Variants in CA10 observed in about 807,000 individuals in gnomAD.
CA10 encodes the protein carbonic anhydrase-related protein 10.
CA10 carries 14 observed loss-of-function variants against 44.2 expected under a neutral mutation model. The ratio of observed to expected loss-of-function variants is 0.32; its 90% CI spans 0.21 to 0.50. The LOEUF is 0.50. Ranked by LOEUF, CA10 falls within the 20% of genes least tolerant of loss-of-function variation. The pLI, the probability that CA10 is intolerant of heterozygous loss-of-function variation, is 0.99. For missense variants in CA10, 350 were observed against 409.7 expected (o/e 0.85, Z 1.26); for synonymous variants, 159 against 141.6 (o/e 1.12, Z -0.87).
At chr17:52,038,950 A>G (rs1333491475) in intron 2 of CA10, among the ~76,000 whole-genome samples, 2 of 152,180 alleles carry the variant, frequency 1.3e-5, no homozygotes, top group African/African-American at 4.8e-5. Context: ...AATTTTGACT[A>G]GGGGTCAGAA....
At chr17:52,020,727 T>C (rs959923029) in intron 2 of CA10, among the ~76,000 whole-genome samples, 6 of 151,960 alleles carry the variant, frequency 3.9e-5, no homozygotes, top group Non-Finnish European at 8.8e-5. Context: ...ATGATGCTGA[T>C]GTTTGGGGCA....
intron 3 of CA10, among the ~76,000 whole-genome samples, chr17:51,872,370 A>G (rs1331051185): frequency 6.6e-6 from 1 of 152,208 alleles, no homozygotes; most frequent in East Asian, 1.9e-4. Context: ...CGTAGGGCTC[A>G]TAGTTGACAC....
chr17:52,063,764 C>A (rs1439166322), intron 2 of CA10, among the ~76,000 whole-genome samples: 1 of 152,076 alleles, frequency 6.6e-6, no homozygotes, highest in Non-Finnish European at 1.5e-5. Flanking sequence ...AATCATGAGC[C>A]AAATGAATCT....
intron 2 of CA10, among the ~76,000 whole-genome samples, chr17:52,038,351 C>G (rs144220710): frequency 1.8e-3 from 277 of 152,238 alleles, no homozygotes; most frequent in African/African-American, 6.5e-3. Context: ...GTTCCCATTT[C>G]AAGAATGAGT....
chr17:52,081,799 C>CAAAAA (rs10707842), intron 1 of CA10, among the ~76,000 whole-genome samples: 1 of 78,328 alleles, frequency 1.3e-5, no homozygotes, highest in Admixed American at 1.4e-4. Context: ...GACTCCGTCT[C>CAAAAA]AAAAAAAAAA....
intron 3 of CA10, among the ~76,000 whole-genome samples, chr17:51,794,035 G>T (rs946083884): frequency 6.6e-6 from 1 of 152,174 alleles, no homozygotes; most frequent in East Asian, 1.9e-4. Flanking sequence ...GTAGGTGTTC[G>T]GAAAAAAGCT....
At chr17:52,050,486 G>A (rs527949440) in intron 2 of CA10, among the ~76,000 whole-genome samples, 1 of 152,056 alleles carries the variant, frequency 6.6e-6, no homozygotes, top group Non-Finnish European at 1.5e-5. Flanking sequence ...TGTATATCAT[G>A]CATGCCACTA....
intron 2 of CA10, among the ~76,000 whole-genome samples, chr17:52,051,403 T>A (rs1002306634): frequency 6.0e-5 from 9 of 150,872 alleles, no homozygotes; most frequent in African/African-American, 2.2e-4. Flanking sequence ...CTACACATCC[T>A]ACAAAGGTCT....
chr17:51,803,987 G>A (rs1026198630), intron 3 of CA10, among the ~76,000 whole-genome samples: 5 of 152,164 alleles, frequency 3.3e-5, no homozygotes, highest in South Asian at 2.1e-4. Flanking sequence ...CTCACTGGCC[G>A]TGTGATCTTG....
intron 3 of CA10, among the ~76,000 whole-genome samples, chr17:51,862,596 A>T (rs1053927540): frequency 6.6e-6 from 1 of 152,158 alleles, no homozygotes; most frequent in African/African-American, 2.4e-5. Context: ...TTCAGAAACT[A>T]TCTTTGCTTG....
intron 3 of CA10, among the ~76,000 whole-genome samples, chr17:51,918,059 A>G (rs1019067053): frequency 6.6e-6 from 1 of 152,210 alleles, no homozygotes; most frequent in African/African-American, 2.4e-5. Flanking sequence ...TTTTGAACAG[A>G]TAATTTTGTG....
In CA10 at chr17:52,067,351, C is replaced by A. The variant is rs368060210; in HGVS notation, c.136+4968G>T. 3.3e-5 allele frequency among the ~76,000 whole-genome samples: 5 copies of A among 152,348 alleles called. No homozygotes were observed. The East Asian group carries it at 7.7e-4, about 24-fold the overall frequency. ...TGGTGGCTTACATGTGGTGTTGGGC[C>A]TGTGGGTGCACAGAAGCCAAGAACT... On this transcript the variant is annotated intron_variant, in intron 2 of 8. Coordinates refer to ENST00000451037, the MANE Select transcript of CA10 (RefSeq NM_020178.5).
rs1980386086 is a variant in CA10 at position 51,881,745 on chromosome 17, T to C, written c.279+49245A>G. 2.0e-5 allele frequency among the ~76,000 whole-genome samples: 3 copies of C among 152,074 alleles called. No individual in the cohort carries two copies. In the South Asian group the frequency reaches 6.2e-4, roughly 32 times the overall value. ...TTTCCCATATTAAGTTGTCAAAAAT[T>C]ATAAAGACTGGTAATATCCAGGTTT... On this transcript the variant is annotated intron_variant, in intron 3 of 8. Transcript: ENST00000451037.
At chr17:51,704,658 TC>T in intron 4 of CA10, among the ~76,000 whole-genome samples, 1 of 152,224 alleles carries the variant, frequency 6.6e-6, no homozygotes, top group East Asian at 1.9e-4. Flanking sequence ...GGCAGAGTCA[TC>T]TTTTCAAAAG....
intron 1 of CA10, among the ~76,000 whole-genome samples, chr17:52,111,243 C>A (rs1376902374): frequency 1.3e-5 from 2 of 152,114 alleles, no homozygotes; most frequent in Non-Finnish European, 2.9e-5. Flanking sequence ...TCTTGCTTCT[C>A]TTGTTTCAGA....
In CA10 at chr17:51,947,769, G is replaced by A. The variant is rs974578488; in HGVS notation, c.137-16637C>T. On this transcript the variant is annotated intron_variant, in intron 2 of 8. Coordinates refer to ENST00000451037, the MANE Select transcript of CA10 (RefSeq NM_020178.5). ...TGACAATCCTGAGATGATGCAGGAG[G>A]TGGCTGTGAGGATATTTATCAGTCT... is the stretch of plus-strand genomic sequence containing the variant. Among the ~76,000 whole-genome samples, 5 of 152,192 alleles carry A rather than the reference G, an allele frequency of 3.3e-5. No individual in the cohort carries two copies. In the East Asian group the frequency reaches 9.7e-4, roughly 30 times the overall value.
At chr17:51,682,507 C>T (rs937991274) in intron 4 of CA10, among the ~76,000 whole-genome samples, 5 of 152,046 alleles carry the variant, frequency 3.3e-5, no homozygotes, top group African/African-American at 4.8e-5. Flanking sequence ...AAAATAAATG[C>T]GTTGGGCTAG....
At position 51,630,672 on chromosome 17, in the gene CA10, A is replaced by ACATGTAGATGAAGGAAC. The variant is rs1912529875; in HGVS notation, c.*895_*911dup. The ACATGTAGATGAAGGAAC allele has an allele frequency of 6.6e-6, 1 of 152,630 alleles. No homozygotes were observed. Among genetic ancestry groups the ACATGTAGATGAAGGAAC allele is most frequent in the Admixed American group, 6.5e-5 (1 of 15,286 alleles). The allele number at this position is 152,630 out of a possible 1,614,324, so 9.5% of individuals were successfully genotyped here. A position where few individuals can be genotyped will look rare whatever the true frequency, so the allele number is the denominator to read the frequency against. On this transcript the variant is annotated 3_prime_UTR_variant, in exon 9 of 9. Transcript: ENST00000451037. ...TAAAAACTGGCTGCAAATGAACAAAACATGTAGATGAAGGAACAAGTGAAA... is the reference window on the plus strand; with the variant it reads ...TAAAAACTGGCTGCAAATGAACAAAACATGTAGATGAAGGAACCATGTAGATGAAGGAACAAGTGAAA...
intron 2 of CA10, among the ~76,000 whole-genome samples, chr17:52,028,081 C>T (rs765534819): frequency 1.3e-5 from 2 of 152,098 alleles, no homozygotes; most frequent in Non-Finnish European, 2.9e-5. Context: ...TGAGTCCATG[C>T]CTCCCAGGGA....
Sources: gnomAD v4.1 joint callset for allele counts (sites outside exome capture counted in the v4.1 genomes callset) on GRCh38, gnomAD v4.1.1 for gene constraint, MANE v1.5 for transcripts, NCBI Gene and HGNC (gene_info 2026-07-23, HGNC 2026-07-21) for gene names.